Variants in TRPM3 observed in about 807,000 individuals in gnomAD.
TRPM3 encodes transient receptor potential cation channel subfamily M member 3.
A neutral mutation model predicts 181.2 loss-of-function variants in TRPM3; 77 were observed. The observed-to-expected ratio is 0.42, with a 90% CI of 0.35 to 0.51. The LOEUF (loss-of-function observed/expected upper bound fraction) is 0.51. TRPM3 is among the 20% of genes least tolerant of loss of function. The pLI is 0.01. For synonymous variants in TRPM3, 745 were observed against 796.4 expected (o/e 0.94, Z 1.09); for missense variants, 1,759 against 2,196.7 (o/e 0.80, Z 3.98).
At chr9:71,306,032 T>C (rs1409198062) in intron 1 of TRPM3, among the ~76,000 whole-genome samples, 1 of 152,184 alleles carries the variant, frequency 6.6e-6, no homozygotes, top group African/African-American at 2.4e-5. Flanking sequence ...TCAATTCTCC[T>C]GTCAAGTTTG....
intron 1 of TRPM3, among the ~76,000 whole-genome samples, chr9:71,061,349 G>A (rs973959315): frequency 9.9e-5 from 15 of 152,092 alleles, no homozygotes; most frequent in African/African-American, 3.6e-4. Flanking sequence ...CTCAAATGCA[G>A]TTGCACATGG....
chr9:71,029,786 C>T (rs1231628642), intron 1 of TRPM3, among the ~76,000 whole-genome samples: 2 of 151,908 alleles, frequency 1.3e-5, no homozygotes, highest in African/African-American at 4.8e-5. Context: ...TGCTCAAATG[C>T]CAATATTATA....
At chr9:71,067,838 G>T (rs1232877412) in intron 1 of TRPM3, among the ~76,000 whole-genome samples, 1 of 152,114 alleles carries the variant, frequency 6.6e-6, no homozygotes, top group Admixed American at 6.6e-5. Flanking sequence ...CCATGTTTTG[G>T]CCCTGTCTCT....
At chr9:71,060,064 C>A (rs892525588) in intron 1 of TRPM3, among the ~76,000 whole-genome samples, 5 of 152,100 alleles carry the variant, frequency 3.3e-5, no homozygotes, top group African/African-American at 1.2e-4. Context: ...GAGAATCAGA[C>A]TTGCTCTGTA....
chr9:71,053,092 G>GAAAAAAAAAAAA lies in TRPM3; in HGVS notation c.177+68074_177+68085dup. Among the ~76,000 whole-genome samples, 2 of 62,456 alleles carry GAAAAAAAAAAAA rather than the reference G, an allele frequency of 3.2e-5. 1 individual carries two copies. The allele number at this position is 62,456 out of a possible 152,430, so 41.0% of individuals were successfully genotyped here. A position where few individuals can be genotyped will look rare whatever the true frequency, so the allele number is the denominator to read the frequency against. Reference sequence around the variant, plus strand: ...ACTTCTTCTTTAGAACCATCCTAAGGAAAAAAAAAAAAAAAAAAAAAAAAA... The same window carrying GAAAAAAAAAAAA: ...ACTTCTTCTTTAGAACCATCCTAAGGAAAAAAAAAAAAAAAAAAAAAAAAAAAAAAAAAAAAA... On this transcript the variant is annotated intron_variant, in intron 1 of 25. Coordinates refer to ENST00000677713, the MANE Select transcript of TRPM3 (RefSeq NM_001366145.2).
intron 1 of TRPM3, among the ~76,000 whole-genome samples, chr9:71,076,179 C>T (rs1192353517): frequency 7.9e-5 from 12 of 152,060 alleles, no homozygotes; most frequent in African/African-American, 9.7e-5. Context: ...GTTCAGTTTT[C>T]GGAAATTTTG....
intron 1 of TRPM3, among the ~76,000 whole-genome samples, chr9:71,373,923 C>T (rs1052707966): frequency 6.6e-6 from 1 of 152,188 alleles, no homozygotes; most frequent in African/African-American, 2.4e-5. Context: ...AAAGCTTATC[C>T]ACCACAATCA....
In TRPM3 at chr9:70,549,550, A is replaced by G. The variant is rs771551202; in HGVS notation, c.3699T>C (p.Thr1233=). Residue 1233 remains threonine (T), a synonymous_variant, in exon 25 of 26, where the codon ACT becomes ACC. Coordinates refer to ENST00000677713, the MANE Select transcript of TRPM3 (RefSeq NM_001366145.2). ...GTGTCCACAGAACACACCTTTCTGA[A>G]GTCACCCGTATCCTCTCATCATTAG... The part of the protein sequence containing the change: ...NSSNDERIRV[T]SERVENMSMR... 4 of 1,612,896 alleles carry G rather than the reference A, an allele frequency of 2.5e-6. No individual in the cohort carries two copies. Among genetic ancestry groups the G allele is most frequent in the Admixed American group, 1.7e-5 (1 of 59,830 alleles).
At chr9:70,934,794 GAGTATGGGAAATTAGCCCA>G (rs2096809844) in intron 1 of TRPM3, among the ~76,000 whole-genome samples, 1 of 152,142 alleles carries the variant, frequency 6.6e-6, no homozygotes, top group Admixed American at 6.6e-5. Context: ...GTTGAGGCAT[GAGTATGGGAAATTAGCCCA>G]AGGCTTTTCT....
intron 1 of TRPM3, among the ~76,000 whole-genome samples, chr9:70,931,450 T>C (rs892713452): frequency 6.6e-6 from 1 of 152,060 alleles, no homozygotes; most frequent in Admixed American, 6.6e-5. Context: ...ATGGCTGAAG[T>C]TGATTGGAGA....
chr9:71,033,262 G>A (rs2057762500), intron 1 of TRPM3, among the ~76,000 whole-genome samples: 1 of 152,250 alleles, frequency 6.6e-6, no homozygotes. Context: ...GATACAAGTT[G>A]TACTGAGAGC....
intron 1 of TRPM3, among the ~76,000 whole-genome samples, chr9:71,259,085 C>T (rs1245907746): frequency 2.0e-5 from 3 of 152,074 alleles, no homozygotes; most frequent in African/African-American, 7.2e-5. Flanking sequence ...TGATGTTCCC[C>T]TCCCTGTGCC....
intron 1 of TRPM3, among the ~76,000 whole-genome samples, chr9:71,422,975 C>T (rs1160124343): frequency 1.3e-5 from 2 of 152,186 alleles, no homozygotes; most frequent in Middle Eastern, 3.4e-3. Context: ...GCAATATTGA[C>T]AATGCAAAAC....
chr9:70,741,409 G>A (rs1023686799), intron 8 of TRPM3, among the ~76,000 whole-genome samples: 7 of 152,120 alleles, frequency 4.6e-5, no homozygotes, highest in African/African-American at 1.7e-4. Flanking sequence ...GAAAAACACT[G>A]TGGATATTCC....
intron 1 of TRPM3, among the ~76,000 whole-genome samples, chr9:71,331,165 C>T (rs1335747409): frequency 6.6e-6 from 1 of 151,266 alleles, no homozygotes; most frequent in Non-Finnish European, 1.5e-5. Context: ...TTAATTATAC[C>T]ACAATAAAAA....
intron 3 of TRPM3, among the ~76,000 whole-genome samples, chr9:70,850,020 C>T (rs998873835): frequency 6.6e-6 from 1 of 152,110 alleles, no homozygotes; most frequent in South Asian, 2.1e-4. Flanking sequence ...GCTAAAGTTT[C>T]CTGAACATAT....
chr9:70,808,290 C>G (rs942386023), intron 6 of TRPM3, among the ~76,000 whole-genome samples: 3 of 152,176 alleles, frequency 2.0e-5, no homozygotes, highest in Non-Finnish European at 4.4e-5. Flanking sequence ...CAAAATTCTT[C>G]CCTGAATGTA....
chr9:70,790,180 G>A (rs1222593900), intron 6 of TRPM3, among the ~76,000 whole-genome samples: 1 of 152,180 alleles, frequency 6.6e-6, no homozygotes, highest in Non-Finnish European at 1.5e-5. Flanking sequence ...GATCTAAAGT[G>A]CGTATGGGTC....
chr9:70,535,547 T>C lies in TRPM3; in HGVS notation c.*406A>G. ...GTACGCTGGCTATTTTATTTTATTTTGCAATTTAGCCCTGCATCCTACAAC... is the reference window on the plus strand; with the variant it reads ...GTACGCTGGCTATTTTATTTTATTTCGCAATTTAGCCCTGCATCCTACAAC... On this transcript the variant is annotated 3_prime_UTR_variant, in exon 26 of 26. Coordinates refer to ENST00000677713, the MANE Select transcript of TRPM3 (RefSeq NM_001366145.2). 1 of 1,543,754 alleles carries C rather than the reference T, an allele frequency of 6.5e-7. No individual in the cohort carries two copies. The highest frequency in any genetic ancestry group is 1.2e-5 in the South Asian group (1 of 83,270).
Sources: gnomAD v4.1 joint callset for allele counts (sites outside exome capture counted in the v4.1 genomes callset) on GRCh38, gnomAD v4.1.1 for gene constraint, MANE v1.5 for transcripts, NCBI Gene and HGNC (gene_info 2026-07-23, HGNC 2026-07-21) for gene names.